Variants in GALNTL6 observed in about 807,000 individuals in gnomAD.
GALNTL6 encodes the protein polypeptide N-acetylgalactosaminyltransferase-like 6.
GALNTL6 carries 46 observed loss-of-function variants against 73.7 expected under a neutral mutation model. The observed-to-expected ratio is 0.62, with a 90% confidence interval of 0.49 to 0.80. GALNTL6 has a LOEUF of 0.80. GALNTL6 is among the 30% of genes least tolerant of loss of function. The pLI is 0.00. For missense variants in GALNTL6, 604 were observed against 755.0 expected (o/e 0.80, Z 2.34); for synonymous variants, 259 against 263.7 (o/e 0.98, Z 0.17).
At chr4:172,434,904 A>T (rs903998352) in intron 5 of GALNTL6, among the ~76,000 whole-genome samples, 2 of 151,980 alleles carry the variant, frequency 1.3e-5, no homozygotes, top group African/African-American at 4.8e-5. Flanking sequence ...TTTTCTTCCA[A>T]GCTCTTTGTT....
chr4:171,895,027 TCAGA>T (rs1217223831), intron 2 of GALNTL6, among the ~76,000 whole-genome samples: 5 of 152,178 alleles, frequency 3.3e-5, no homozygotes, highest in Non-Finnish European at 7.3e-5. Context: ...ATATTAAAAG[TCAGA>T]CAGAACACTT....
intron 2 of GALNTL6, among the ~76,000 whole-genome samples, chr4:171,851,302 T>C (rs559623294): frequency 6.6e-6 from 1 of 152,308 alleles, no homozygotes; most frequent in African/African-American, 2.4e-5. Context: ...TTTTCTCTTT[T>C]GGTAGAATCA....
At chr4:172,570,130 C>T (rs909931938) in intron 5 of GALNTL6, among the ~76,000 whole-genome samples, 2 of 152,116 alleles carry the variant, frequency 1.3e-5, no homozygotes, top group African/African-American at 4.8e-5. Flanking sequence ...GGAGCTGAGG[C>T]AGTTAAATCT....
At chr4:172,758,971 A>G (rs1737912836) in intron 5 of GALNTL6, among the ~76,000 whole-genome samples, 1 of 152,228 alleles carries the variant, frequency 6.6e-6, no homozygotes, top group Non-Finnish European at 1.5e-5. Flanking sequence ...CCACTCCCTT[A>G]CTAATAGATA....
At chr4:172,278,373 T>C (rs1299996981) in intron 3 of GALNTL6, among the ~76,000 whole-genome samples, 2 of 152,194 alleles carry the variant, frequency 1.3e-5, no homozygotes, top group Non-Finnish European at 2.9e-5. Context: ...TAACTATAAA[T>C]TGCCCATAAA....
intron 5 of GALNTL6, among the ~76,000 whole-genome samples, chr4:172,577,836 G>A (rs954098200): frequency 6.6e-6 from 1 of 152,100 alleles, no homozygotes; most frequent in African/African-American, 2.4e-5. Context: ...TCACAGTCAA[G>A]ATCAATATAT....
At chr4:173,030,537 G>A (rs1753412844) in intron 12 of GALNTL6, among the ~76,000 whole-genome samples, 1 of 152,076 alleles carries the variant, frequency 6.6e-6, no homozygotes, top group South Asian at 2.1e-4. Flanking sequence ...CTGTCAAACA[G>A]AAAAGAATCT....
chr4:172,363,533 A>G (rs563589397), intron 5 of GALNTL6, among the ~76,000 whole-genome samples: 1 of 152,330 alleles, frequency 6.6e-6, no homozygotes, highest in South Asian at 2.1e-4. Context: ...ACAGAAGCCC[A>G]TAACAATTGT....
chr4:172,919,499 C>A (rs1747688938), intron 8 of GALNTL6, among the ~76,000 whole-genome samples: 1 of 152,192 alleles, frequency 6.6e-6, no homozygotes, highest in Non-Finnish European at 1.5e-5. Context: ...ATGTTCCCAC[C>A]CCTGCCATCA....
intron 2 of GALNTL6, among the ~76,000 whole-genome samples, chr4:171,965,078 A>G (rs766368443): frequency 4.6e-4 from 70 of 152,264 alleles, no homozygotes; most frequent in Admixed American, 2.1e-3. Context: ...CCAAACTATA[A>G]CAGTTACCAT....
intron 2 of GALNTL6, among the ~76,000 whole-genome samples, chr4:171,875,332 G>A (rs1171745467): frequency 6.6e-6 from 1 of 152,146 alleles, no homozygotes; most frequent in African/African-American, 2.4e-5. Flanking sequence ...TTCTCTGTTG[G>A]GTTTTTATTC....
intron 5 of GALNTL6, among the ~76,000 whole-genome samples, chr4:172,405,632 A>T (rs557894846): frequency 1.3e-5 from 2 of 151,362 alleles, no homozygotes; most frequent in African/African-American, 4.8e-5. Flanking sequence ...ACAGCCCCCT[A>T]CTCCATGCAG....
At chr4:172,295,507 T>G (rs1739637160) in intron 3 of GALNTL6, among the ~76,000 whole-genome samples, 1 of 148,954 alleles carries the variant, frequency 6.7e-6, no homozygotes, top group Non-Finnish European at 1.5e-5. Flanking sequence ...GGTTGCACTG[T>G]TTTTTCTTCT....
At chr4:172,610,226 C>T (rs1195421183) in intron 5 of GALNTL6, among the ~76,000 whole-genome samples, 1 of 151,960 alleles carries the variant, frequency 6.6e-6, no homozygotes, top group Non-Finnish European at 1.5e-5. Context: ...TTGTCTTCTG[C>T]TAGCTTTGGA....
intron 2 of GALNTL6, among the ~76,000 whole-genome samples, chr4:171,947,909 A>G (rs144198711): frequency 6.6e-6 from 1 of 152,310 alleles, no homozygotes; most frequent in Non-Finnish European, 1.5e-5. Context: ...TTCTCATTTT[A>G]TTAGTGATGG....
intron 5 of GALNTL6, among the ~76,000 whole-genome samples, chr4:172,632,198 T>A (rs1045539711): frequency 6.6e-6 from 1 of 152,228 alleles, no homozygotes; most frequent in African/African-American, 2.4e-5. Context: ...AGTGAATTGT[T>A]ACCAATAGAG....
intron 5 of GALNTL6, among the ~76,000 whole-genome samples, chr4:172,495,690 T>A (rs1484975019): frequency 1.3e-5 from 2 of 152,162 alleles, no homozygotes; most frequent in Non-Finnish European, 2.9e-5. Flanking sequence ...TTTTCAATCA[T>A]CAATGTGTAG....
At chr4:172,368,954 C>A (rs1016297661) in intron 5 of GALNTL6, among the ~76,000 whole-genome samples, 33 of 152,296 alleles carry the variant, frequency 2.2e-4, no homozygotes, top group East Asian at 1.2e-3. Flanking sequence ...ATAAAGGCGG[C>A]ACAGACCCAA....
rs891228864 is a variant in GALNTL6, at chr4:172,387,795, A to T, written c.553+39106A>T. Among the ~76,000 whole-genome samples, 6 of 152,112 alleles carry T rather than the reference A, an allele frequency of 3.9e-5. No individual in the cohort carries two copies. The East Asian group carries it at 1.2e-3, about 29-fold the overall frequency. On this transcript the variant is annotated intron_variant, in intron 5 of 12. Transcript: ENST00000506823. ...GTCTACATTTCCTTCAGTTTTTATA[A>T]ACTAAAATGTTCTTCCTATTACTGA...
Sources: gnomAD v4.1 joint callset for allele counts (sites outside exome capture counted in the v4.1 genomes callset) on GRCh38, gnomAD v4.1.1 for gene constraint, MANE v1.5 for transcripts, NCBI Gene and HGNC (gene_info 2026-07-23, HGNC 2026-07-21) for gene names.